The following CTNNBL1 variants were observed in gnomAD, a reference collection of about 807,000 sequenced individuals.
CTNNBL1 encodes catenin beta like 1.
Under a neutral mutation model 72.7 loss-of-function variants are expected in CTNNBL1, and 31 were observed. That is an observed-to-expected ratio of 0.43 (90% CI 0.32 to 0.58). The LOEUF (loss-of-function observed/expected upper bound fraction) is 0.58. Ranked by LOEUF, CTNNBL1 falls within the 20% of genes least tolerant of loss-of-function variation. The pLI is 0.08. For synonymous variants in CTNNBL1, 240 were observed against 267.3 expected (o/e 0.90, Z 1.00); for missense variants, 534 against 725.1 (o/e 0.74, Z 3.03).
chr20:37,717,362 G>C (rs1180879468), intron 1 of CTNNBL1, among the ~76,000 whole-genome samples: 1 of 152,168 alleles, frequency 6.6e-6, no homozygotes, highest in Admixed American at 6.5e-5. Flanking sequence ...GTGTGAGTTC[G>C]CTGGTTGCAG....
intron 3 of CTNNBL1, among the ~76,000 whole-genome samples, chr20:37,738,134 C>T (rs1470575165): frequency 6.6e-6 from 1 of 152,232 alleles, no homozygotes; most frequent in Non-Finnish European, 1.5e-5. Flanking sequence ...CCAAAGAAGA[C>T]TGATCGTGCC....
chr20:37,777,142 T>A lies in CTNNBL1; in HGVS notation c.751-203T>A, dbSNP rs1217432318. 13 of 522,168 alleles carry A rather than the reference T, an allele frequency of 2.5e-5. No homozygotes were observed. The East Asian group carries it at 4.2e-4, about 17-fold the overall frequency. 32.3% of individuals were successfully genotyped at this position (522,168 alleles called of 1,614,324 possible). A position where few individuals can be genotyped will look rare whatever the true frequency, so the allele number is the denominator to read the frequency against. ...AACCTTAATACCTGGGCATTAAGAG[T>A]GTGAGAGCCATTGTTTCAATCTGTC... On this transcript the variant is annotated intron_variant, in intron 7 of 15. Transcript: ENST00000361383.
intron 15 of CTNNBL1, among the ~76,000 whole-genome samples, chr20:37,864,183 A>G (rs376369285): frequency 3.3e-5 from 5 of 151,180 alleles, no homozygotes; most frequent in East Asian, 1.9e-4. Flanking sequence ...TCTCCTTTTC[A>G]TACCACGCCC....
At chr20:37,738,392 T>G (rs6091175) in intron 3 of CTNNBL1, among the ~76,000 whole-genome samples, 3,178 of 152,384 alleles carry the variant, frequency 0.021, 114 homozygotes, top group African/African-American at 0.07. Flanking sequence ...ACGTGAGTTT[T>G]ACTACACTGG....
At chr20:37,780,307 A>G (rs981826269) in intron 10 of CTNNBL1, among the ~76,000 whole-genome samples, 1 of 152,200 alleles carries the variant, frequency 6.6e-6, no homozygotes, top group African/African-American at 2.4e-5. Context: ...GAATACTAAC[A>G]TATAAAACTG....
rs190225369 is a variant in CTNNBL1, at chr20:37,818,534, G to T, written c.1213+15486G>T. On this transcript the variant is annotated intron_variant, in intron 11 of 15. Coordinates refer to ENST00000361383, the MANE Select transcript of CTNNBL1 (RefSeq NM_030877.5). Reference sequence around the variant, plus strand: ...TCTTGGGGTTTGACCTAAAAGCTCAGTGAGCCAGACTACTGTCTTTGTCAA... The same window carrying T: ...TCTTGGGGTTTGACCTAAAAGCTCATTGAGCCAGACTACTGTCTTTGTCAA... Among the ~76,000 whole-genome samples, 14 of 152,338 alleles carry T rather than the reference G, an allele frequency of 9.2e-5. No homozygotes were observed. In the East Asian group the frequency reaches 2.7e-3, roughly 29 times the overall value.
At chr20:37,820,963 C>T (rs1226748882) in intron 11 of CTNNBL1, among the ~76,000 whole-genome samples, 1 of 152,202 alleles carries the variant, frequency 6.6e-6, no homozygotes, top group Non-Finnish European at 1.5e-5. Context: ...TAGACTTTTG[C>T]ATGACAGAAG....
At chr20:37,697,398 G>A (rs2072802748) in intron 1 of CTNNBL1, among the ~76,000 whole-genome samples, 1 of 152,208 alleles carries the variant, frequency 6.6e-6, no homozygotes, top group Non-Finnish European at 1.5e-5. Flanking sequence ...GGAGCAGAAT[G>A]ATGGAGGCAG....
chr20:37,745,410 G>A (rs1384879313), intron 3 of CTNNBL1, among the ~76,000 whole-genome samples: 1 of 152,190 alleles, frequency 6.6e-6, no homozygotes, highest in Non-Finnish European at 1.5e-5. Context: ...TTACTTTCTA[G>A]AAGAGAAGAC....
At position 37,713,082 on chromosome 20, in the gene CTNNBL1, A is replaced by G. The variant is rs147595025; in HGVS notation, c.30+18930A>G. Among the ~76,000 whole-genome samples, 362 of 152,302 alleles carry G rather than the reference A, an allele frequency of 2.4e-3. 4 individuals carry two copies. Among genetic ancestry groups the G allele is most frequent in the African/African-American group, 8.3e-3 (343 of 41,560 alleles). On this transcript the variant is annotated intron_variant, in intron 1 of 15. Coordinates refer to ENST00000361383, the MANE Select transcript of CTNNBL1 (RefSeq NM_030877.5). Reference sequence around the variant, plus strand: ...GGATCCTTACACCTCACTCAGCATGATGAACTTGGAGACAGAAATTCGTAA... The same window carrying G: ...GGATCCTTACACCTCACTCAGCATGGTGAACTTGGAGACAGAAATTCGTAA...
intron 12 of CTNNBL1, among the ~76,000 whole-genome samples, chr20:37,841,471 T>G (rs1263368676): frequency 6.6e-6 from 1 of 152,180 alleles, no homozygotes; most frequent in Admixed American, 6.5e-5. Flanking sequence ...GCTGCAACAT[T>G]AAGGTCTTAG....
intron 11 of CTNNBL1, among the ~76,000 whole-genome samples, chr20:37,830,081 G>A (rs1041531465): frequency 6.6e-6 from 1 of 151,864 alleles, no homozygotes; most frequent in Non-Finnish European, 1.5e-5. Context: ...AATCTAACCA[G>A]CCTTGACCTC....
At chr20:37,757,534 G>A (rs2073375815) in intron 4 of CTNNBL1, 25 bp from the exon 5 acceptor site, 1 of 1,544,928 alleles carries the variant, frequency 6.5e-7, no homozygotes, top group African/African-American at 1.4e-5. Flanking sequence ...TTCAGTATGT[G>A]TGTTATACCC....
intron 15 of CTNNBL1, among the ~76,000 whole-genome samples, chr20:37,868,511 C>G (rs2072556075): frequency 6.6e-6 from 1 of 152,210 alleles, no homozygotes; most frequent in South Asian, 2.1e-4. Flanking sequence ...TAGTTCCACT[C>G]CGCTCTGTAT....
intron 6 of CTNNBL1, among the ~76,000 whole-genome samples, chr20:37,767,129 G>T (rs1441113707): frequency 2.0e-5 from 3 of 152,040 alleles, no homozygotes; most frequent in African/African-American, 7.2e-5. Context: ...CACCCAATGT[G>T]TTCTGGGTAT....
At position 37,820,123 on chromosome 20, in the gene CTNNBL1, C is replaced by T. The variant is rs6021135; in HGVS notation, c.1213+17075C>T. ...AACTCTTGACCTCAGGTGATTCACC[C>T]GTCTCGGCCTCCCAAAGTGCTGGGA... On this transcript the variant is annotated intron_variant, in intron 11 of 15. Transcript: ENST00000361383. Among the ~76,000 whole-genome samples, 157 of 152,048 alleles carry T rather than the reference C, an allele frequency of 1.0e-3. 2 individuals carry two copies. Among genetic ancestry groups the T allele is most frequent in the African/African-American group, 3.5e-3 (147 of 41,478 alleles).
chr20:37,785,018 G>T (rs1266051681), intron 10 of CTNNBL1, among the ~76,000 whole-genome samples: 2 of 152,070 alleles, frequency 1.3e-5, no homozygotes, highest in African/African-American at 4.8e-5. Context: ...TACTATTCTA[G>T]GGTAAAATAT....
At chr20:37,700,085 C>T (rs2072826963) in intron 1 of CTNNBL1, among the ~76,000 whole-genome samples, 1 of 152,182 alleles carries the variant, frequency 6.6e-6, no homozygotes, top group Non-Finnish European at 1.5e-5. Context: ...AAAAACGCTT[C>T]ATGTGGTAGA....
intron 2 of CTNNBL1, 111 bp downstream of exon 2, chr20:37,733,178 T>G: frequency 2.2e-6 from 2 of 894,348 alleles, no homozygotes; most frequent in African/African-American, 1.7e-5. Flanking sequence ...AAAATGGGGT[T>G]AAGAATTCAT....
Sources: gnomAD v4.1 joint callset for allele counts (sites outside exome capture counted in the v4.1 genomes callset) on GRCh38, gnomAD v4.1.1 for gene constraint, MANE v1.5 for transcripts, NCBI Gene and HGNC (gene_info 2026-07-23, HGNC 2026-07-21) for gene names.